Variants in ANKIB1 observed in about 807,000 individuals in gnomAD.
The protein encoded by ANKIB1 is ankyrin repeat and IBR domain containing 1, also known as ankyrin repeat and IBR domain-containing protein 1.
Under a neutral mutation model 122.1 loss-of-function variants are expected in ANKIB1, and 43 were observed. The ratio of observed to expected loss-of-function variants is 0.35; its 90% CI spans 0.28 to 0.45. The LOEUF (loss-of-function observed/expected upper bound fraction) is 0.45, where lower values mean the gene tolerates loss of function less well. ANKIB1 is among the 20% of genes least tolerant of loss of function. The pLI, the probability that ANKIB1 is intolerant of heterozygous loss-of-function variation, is 1.00. For synonymous variants in ANKIB1, 390 were observed against 442.0 expected, an observed-to-expected ratio of 0.88 and a Z score of 1.48; for missense variants, 992 against 1,329.5, an observed-to-expected ratio of 0.75 and a Z score of 3.95.
intron 1 of ANKIB1, among the ~76,000 whole-genome samples, chr7:92,281,521 G>A (rs1802012114): frequency 6.6e-6 from 1 of 152,056 alleles, no homozygotes; most frequent in Non-Finnish European, 1.5e-5. Flanking sequence ...CAGACAAATG[G>A]GGCTGAAATT....
At chr7:92,265,457 T>C (rs966280172) in intron 1 of ANKIB1, among the ~76,000 whole-genome samples, 1 of 152,216 alleles carries the variant, frequency 6.6e-6, no homozygotes, top group African/African-American at 2.4e-5. Context: ...AAGGGGCCAG[T>C]GTAGCTGGAG....
At chr7:92,249,028 C>T (rs1322872423) in intron 1 of ANKIB1, among the ~76,000 whole-genome samples, 2 of 151,806 alleles carry the variant, frequency 1.3e-5, no homozygotes, top group East Asian at 1.9e-4. Flanking sequence ...GCTGGGACTA[C>T]AGGTGCCCGC....
chr7:92,283,631 C>G (rs545417606), intron 1 of ANKIB1, among the ~76,000 whole-genome samples: 138 of 152,272 alleles, frequency 9.1e-4, no homozygotes, highest in African/African-American at 3.2e-3. Context: ...ATATTTTGAT[C>G]TACCACAATG....
At chr7:92,355,569 G>T (rs550929378) in intron 9 of ANKIB1, among the ~76,000 whole-genome samples, 34 of 152,302 alleles carry the variant, frequency 2.2e-4, no homozygotes, top group Admixed American at 1.4e-3. Flanking sequence ...ATAATATGGT[G>T]CCAGGTGTGG....
chr7:92,274,619 C>T (rs1801862362), intron 1 of ANKIB1, among the ~76,000 whole-genome samples: 1 of 151,806 alleles, frequency 6.6e-6, no homozygotes, highest in Admixed American at 6.6e-5. Context: ...GCTGCATTAG[C>T]TGGGAGAGAG....
At position 92,378,010 on chromosome 7, in the gene ANKIB1, T is replaced by A. The variant is rs1278543850; in HGVS notation, c.1617+6403T>A. Among the ~76,000 whole-genome samples the A allele has an allele frequency of 2.6e-5, 4 of 152,168 alleles. No homozygotes were observed. The East Asian group carries it at 7.7e-4, about 29-fold the overall frequency. ...AGTGAGTAGAACCTTGATATCTGCT[T>A]CACAAGATTATAAAACTTAAAAGTG... On this transcript the variant is annotated intron_variant, in intron 11 of 19. Transcript: ENST00000265742.
intron 10 of ANKIB1, among the ~76,000 whole-genome samples, chr7:92,370,928 T>A (rs1804233163): frequency 6.6e-6 from 1 of 152,116 alleles, no homozygotes; most frequent in Non-Finnish European, 1.5e-5. Context: ...GAACCAGATA[T>A]GATAGAGAAA....
chr7:92,257,976 A>G (rs1585074283), intron 1 of ANKIB1, among the ~76,000 whole-genome samples: 1 of 152,290 alleles, frequency 6.6e-6, no homozygotes, highest in East Asian at 1.9e-4. Flanking sequence ...CTGTATGTTG[A>G]TGCATTTGAG....
chr7:92,274,440 T>C (rs574565509), intron 1 of ANKIB1, among the ~76,000 whole-genome samples: 1 of 152,130 alleles, frequency 6.6e-6, no homozygotes, highest in African/African-American at 2.4e-5. Flanking sequence ...TTTAAAAAAA[T>C]TTTACAGTGA....
At chr7:92,386,001 GCT>G (rs1377848500) in intron 11 of ANKIB1, among the ~76,000 whole-genome samples, 1 of 152,160 alleles carries the variant, frequency 6.6e-6, no homozygotes, top group Non-Finnish European at 1.5e-5. Flanking sequence ...CATACTGAAT[GCT>G]CATATTTTTG....
At position 92,343,061 on chromosome 7, in the gene ANKIB1, C is replaced by T. The variant is rs1205325617; in HGVS notation, c.825C>T (p.Ser275=). The change falls in exon 6 of 20, where the codon TCC becomes TCT. Residue 275 remains serine, a synonymous_variant. Transcript: ENST00000265742. ...DREKLLEAWM[S]NPENCCQRSG... is the part of the protein sequence containing the mutation. ...AGAAATTACTTGAAGCTTGGATGTC[C>T]AACCCGGAGAACTGCTGCCAACGAT... 7 of 1,613,740 alleles carry T rather than the reference C, an allele frequency of 4.3e-6. No individual in the cohort carries two copies. Among genetic ancestry groups the T allele is most frequent in the South Asian group, 1.1e-5 (1 of 91,064 alleles).
intron 9 of ANKIB1, among the ~76,000 whole-genome samples, chr7:92,360,099 T>A (rs1803909514): frequency 6.6e-6 from 1 of 152,188 alleles, no homozygotes; most frequent in African/African-American, 2.4e-5. Context: ...GTAACCATTT[T>A]TAAGTATGCA....
At chr7:92,265,644 A>G (rs1801656748) in intron 1 of ANKIB1, among the ~76,000 whole-genome samples, 1 of 152,194 alleles carries the variant, frequency 6.6e-6, no homozygotes, top group Non-Finnish European at 1.5e-5. Context: ...TTGTTAGGGT[A>G]AGAGGTGAAG....
At chr7:92,386,035 A>G (rs1388699668) in intron 11 of ANKIB1, among the ~76,000 whole-genome samples, 12 of 152,206 alleles carry the variant, frequency 7.9e-5, no homozygotes, top group Non-Finnish European at 1.6e-4. Context: ...TAATTATGGT[A>G]ATTAAGTTGG....
At chr7:92,270,530 C>T (rs1342351403) in intron 1 of ANKIB1, among the ~76,000 whole-genome samples, 1 of 152,124 alleles carries the variant, frequency 6.6e-6, no homozygotes, top group Non-Finnish European at 1.5e-5. Flanking sequence ...TTTAAATTCT[C>T]ATACAGTAAA....
At chr7:92,323,456 T>C (rs1050183754) in intron 4 of ANKIB1, among the ~76,000 whole-genome samples, 1 of 151,350 alleles carries the variant, frequency 6.6e-6, no homozygotes, top group African/African-American at 2.4e-5. Flanking sequence ...ACTTATATGG[T>C]ATTCAGAGTT....
intron 1 of ANKIB1, among the ~76,000 whole-genome samples, chr7:92,270,411 C>T (rs1008573884): frequency 5.3e-5 from 8 of 152,072 alleles, no homozygotes; most frequent in African/African-American, 1.4e-4. Flanking sequence ...CAAAAAGACA[C>T]TTGAGGAACT....
chr7:92,387,680 C>T (rs971031074), intron 12 of ANKIB1, 118 bp from the exon 13 acceptor site: 23 of 665,684 alleles, frequency 3.5e-5, no homozygotes, highest in Middle Eastern at 4.2e-4. Context: ...GAAAATAATT[C>T]GCAAATCTGA....
chr7:92,398,759 C>T lies in ANKIB1; in HGVS notation c.3080C>T (p.Ala1027Val). The T allele has an allele frequency of 1.2e-6, 2 of 1,613,110 alleles. No individual in the cohort carries two copies. Among genetic ancestry groups the T allele is most frequent in the South Asian group, 2.2e-5 (2 of 90,904 alleles). Residue 1027 changes from alanine to valine, a missense_variant, in exon 20 of 20, where the codon GCC becomes GTC. Ala to Val is a moderately conservative substitution (Grantham distance 64, BLOSUM62 0). Around this residue, in one of 4 missense-constraint regions of ANKIB1, gnomAD observed 384 missense variants for 412.0 expected, o/e 0.93. Coordinates refer to ENST00000265742, the MANE Select transcript of ANKIB1 (RefSeq NM_019004.2). ...CCAGAAGATTCAATGTTTGAAGATG[C>T]CAGTGTCAGTGAAGGTAGAGGAACC... ...VLPEDSMFED[A>V]SVSEGRGTQI...
Sources: allele counts gnomAD v4.1 joint callset (sites outside exome capture counted in the v4.1 genomes callset), GRCh38; gene constraint gnomAD v4.1.1; regional missense constraint gnomAD v4.1.1; transcripts MANE v1.5; gene names NCBI Gene and HGNC (gene_info 2026-07-23, HGNC 2026-07-21).